Variants in HFM1 observed in about 807,000 individuals in gnomAD.
The protein encoded by HFM1 is probable ATP-dependent DNA helicase HFM1.
In HFM1, 169 loss-of-function variants were observed where a neutral mutation model predicts 192.1. That is an observed-to-expected ratio of 0.88 (90% CI 0.78 to 1.00). HFM1 has a LOEUF of 1.00. Among genes scored for constraint, HFM1 ranks in the 50% least tolerant of loss-of-function variants. The pLI is 0.00. For synonymous variants in HFM1, 525 were observed against 537.8 expected, an observed-to-expected ratio of 0.98 and a Z score of 0.33; for missense variants, 1,661 against 1,668.0, an observed-to-expected ratio of 1.00 and a Z score of 0.07.
At chr1:91,384,095 C>A (rs1288406902) in intron 6 of HFM1, among the ~76,000 whole-genome samples, 4 of 152,158 alleles carry the variant, frequency 2.6e-5, no homozygotes, top group Non-Finnish European at 5.9e-5. Context: ...TCATATCTGT[C>A]ACTTTAGCCA....
At chr1:91,330,594 C>A (rs1653677771) in intron 20 of HFM1, among the ~76,000 whole-genome samples, 1 of 152,152 alleles carries the variant, frequency 6.6e-6, no homozygotes, top group South Asian at 2.1e-4. Context: ...TACCACAAAT[C>A]CTGCTCAAAA....
intron 30 of HFM1, among the ~76,000 whole-genome samples, chr1:91,288,337 G>C (rs1668265532): frequency 3.3e-5 from 5 of 150,578 alleles, no homozygotes; most frequent in Admixed American, 2.6e-4. Context: ...CTACAAGCCA[G>C]AAGAGAGTGG....
chr1:91,394,904 G>C (rs1215360875), intron 3 of HFM1, among the ~76,000 whole-genome samples: 1 of 151,968 alleles, frequency 6.6e-6, no homozygotes, highest in Non-Finnish European at 1.5e-5. Flanking sequence ...TTTCTTTAGA[G>C]GCTTTGCAAG....
At chr1:91,347,502 G>T in intron 18 of HFM1, 26 bp from the exon 19 acceptor site, 1 of 1,536,494 alleles carries the variant, frequency 6.5e-7, no homozygotes, top group Non-Finnish European at 8.9e-7. Context: ...AAGTAAAATA[G>T]AATTTAGCTC....
chr1:91,387,169 CA>C, intron 4 of HFM1, among the ~76,000 whole-genome samples: 1 of 152,160 alleles, frequency 6.6e-6, no homozygotes. Context: ...GGCTGAAGAT[CA>C]AGTTTAATTA....
At chr1:91,391,489 CAAG>C (rs1662985828) in intron 4 of HFM1, among the ~76,000 whole-genome samples, 1 of 152,124 alleles carries the variant, frequency 6.6e-6, no homozygotes, top group Non-Finnish European at 1.5e-5. Flanking sequence ...CTGACAAAAA[CAAG>C]AAATGGGGAA....
intron 2 of HFM1, 87 bp from the exon 3 acceptor site, chr1:91,396,492 A>C: frequency 1.5e-6 from 1 of 648,144 alleles, no homozygotes. Context: ...ACTCAATTGG[A>C]CTCTTAAACA....
intron 32 of HFM1, among the ~76,000 whole-genome samples, 176 bp from the exon 33 acceptor site, chr1:91,274,985 A>AT (rs369981082): frequency 0.77 from 102,449 of 132,952 alleles, 39,640 homozygotes; most frequent in East Asian, 0.96. Flanking sequence ...AAATGTTGGC[A>AT]TTTTTTTTTT....
chr1:91,291,121 C>G (rs1005865077), intron 30 of HFM1, among the ~76,000 whole-genome samples: 2 of 152,058 alleles, frequency 1.3e-5, no homozygotes, highest in African/African-American at 4.8e-5. Flanking sequence ...AATTGACACC[C>G]TAACATCACA....
intron 13 of HFM1, among the ~76,000 whole-genome samples, chr1:91,359,553 CAA>C (rs61520763): frequency 0.96 from 130,516 of 136,206 alleles, 62,599 homozygotes; most frequent in Non-Finnish European, 0.98. Context: ...GACAAGAATA[CAA>C]AAAAAAAAAA....
Position 91,322,588 on chromosome 1 carries a change from C to CTCAA in HFM1, c.2582+361_2582+362insTTGA, listed in dbSNP as rs575013868. ...TCATGATTTTGCTTTTACTCTTTGTCTCTCCCAGAATGCCACTACCATTCA... is the reference window on the plus strand; with the variant it reads ...TCATGATTTTGCTTTTACTCTTTGTCTCAATCTCCCAGAATGCCACTACCATTCA... On this transcript the variant is annotated intron_variant, in intron 23 of 38. Coordinates refer to ENST00000370425, the MANE Select transcript of HFM1 (RefSeq NM_001017975.6). Among the ~76,000 whole-genome samples the CTCAA allele has an allele frequency of 8.3e-4, 127 of 152,270 alleles. 1 individual carries two copies. The highest frequency in any genetic ancestry group is 2.9e-3 in the African/African-American group (121 of 41,566).
chr1:91,294,584 G>T (rs1647248761), intron 30 of HFM1, among the ~76,000 whole-genome samples: 1 of 152,174 alleles, frequency 6.6e-6, no homozygotes, highest in Non-Finnish European at 1.5e-5. Context: ...GTCTATGGCT[G>T]CTTTTGGGTT....
chr1:91,309,577 T>C (rs1650137570), intron 30 of HFM1, among the ~76,000 whole-genome samples: 1 of 152,142 alleles, frequency 6.6e-6, no homozygotes, highest in African/African-American at 2.4e-5. Flanking sequence ...ATCTGCAAAA[T>C]AATTCTCAAA....
chr1:91,332,079 T>C (rs1392939833), intron 20 of HFM1, among the ~76,000 whole-genome samples: 1 of 152,060 alleles, frequency 6.6e-6, no homozygotes, highest in African/African-American at 2.4e-5. Context: ...ACCAATGACA[T>C]TCTTCACAGA....
At position 91,319,355 on chromosome 1, in the gene HFM1, T is replaced by G; in HGVS notation, c.2618A>C (p.Gln873Pro). The G allele has an allele frequency of 1.2e-6, 2 of 1,612,884 alleles. No individual in the cohort carries two copies. The highest frequency in any genetic ancestry group is 8.5e-7 in the Non-Finnish European group (1 of 1,178,940). Reference sequence around the variant, plus strand: ...GGTATCTTGTGTCAAAGCAAAATCTTGTATGGGAATGCATCCTAGTTGAGC... The same window carrying G: ...GGTATCTTGTGTCAAAGCAAAATCTGGTATGGGAATGCATCCTAGTTGAGC... Reference protein sequence around the residue: ...IQAQLGCIPIQDFALTQDTAK... With the variant: ...IQAQLGCIPIPDFALTQDTAK... The change falls in exon 24 of 39, where the codon CAA (glutamine) becomes CCA (proline). Residue 873 changes from glutamine to proline, a missense_variant. Transcript: ENST00000370425.
rs556591938 is a variant in HFM1, at chr1:91,267,825, T to G, written c.3803A>C (p.Asn1268Thr). ...ATCATCAAAATCATCCCAAACTTCA[T>G]TTCCCAATTCAAAGTTCACATTCAA... ...EVLNVNFELG[N>T]EVWDDFDDEN... The change falls in exon 35 of 39, where the codon AAT becomes ACT. Residue 1268 changes from asparagine (N) to threonine (T), a missense_variant. By Grantham distance (65) the Asn-to-Thr change is moderately conservative. Coordinates refer to ENST00000370425, the MANE Select transcript of HFM1 (RefSeq NM_001017975.6). 3.2e-6 allele frequency: 5 copies of G among 1,584,114 alleles called. No homozygotes were observed. Among genetic ancestry groups the G allele is most frequent in the Non-Finnish European group, 4.3e-6 (5 of 1,168,560 alleles).
At chr1:91,313,307 T>G in intron 30 of HFM1, 42 bp downstream of exon 30, 1 of 1,211,594 alleles carries the variant, frequency 8.3e-7, no homozygotes, top group Non-Finnish European at 1.2e-6. Flanking sequence ...CCTAGCCATA[T>G]CTTTGCTTTA....
chr1:91,264,145 C>T (rs1434941506), intron 36 of HFM1, among the ~76,000 whole-genome samples: 1 of 152,020 alleles, frequency 6.6e-6, no homozygotes, highest in Non-Finnish European at 1.5e-5. Context: ...GGTGAATGAG[C>T]TCCTGGTCAC....
Position 91,353,595 on chromosome 1 carries a change from TA to T in HFM1, c.1686-297del, listed in dbSNP as rs988680593. Among the ~76,000 whole-genome samples the T allele has an allele frequency of 6.7e-5, 6 of 90,208 alleles. No homozygotes were observed. The South Asian group carries it at 1.3e-3, about 20-fold the overall frequency. 59.2% of individuals were successfully genotyped at this position (90,208 alleles called of 152,430 possible). The stretch of plus-strand genomic sequence containing the variant: ...TAAAAGTCTACTCTCATAATTTGCC[TA>T]AAAAAAATTATAAGAAGTAACCATT... On this transcript the variant is annotated intron_variant, in intron 13 of 38. Transcript: ENST00000370425.
Sources: gnomAD v4.1 joint callset for allele counts (sites outside exome capture counted in the v4.1 genomes callset) on GRCh38, gnomAD v4.1.1 for gene constraint, MANE v1.5 for transcripts, NCBI Gene and HGNC (gene_info 2026-07-23, HGNC 2026-07-21) for gene names.